Variants in ARMH4 observed in about 807,000 individuals in gnomAD.
The protein encoded by ARMH4 is armadillo-like helical domain-containing protein 4.
In ARMH4, 49 loss-of-function variants were observed where a neutral mutation model predicts 61.9. That is an observed-to-expected ratio of 0.79 (90% CI 0.63 to 1.00). The LOEUF (loss-of-function observed/expected upper bound fraction) is 1.00, where lower values mean the gene tolerates loss of function less well. Among genes scored for constraint, ARMH4 ranks in the 50% least tolerant of loss-of-function variants. The pLI is 0.00. For missense variants in ARMH4, 934 were observed against 930.0 expected (o/e 1.00, Z -0.06); for synonymous variants, 368 against 341.5 (o/e 1.08, Z -0.85).
intron 4 of ARMH4, among the ~76,000 whole-genome samples, chr14:58,121,189 T>A (rs1886710716): frequency 6.6e-6 from 1 of 152,208 alleles, no homozygotes; most frequent in Non-Finnish European, 1.5e-5. Context: ...CTTGGTATCA[T>A]CTGAATAGCC....
chr14:58,096,816 G>T lies in ARMH4; in HGVS notation c.1997C>A (p.Pro666Gln). Residue 666 changes from proline (P) to glutamine (Q), a missense_variant, in exon 5 of 8, where the codon CCA (proline) becomes CAA (glutamine). Coordinates refer to ENST00000267485, the MANE Select transcript of ARMH4 (RefSeq NM_001001872.4). ...GTCCATGTTTCCCTCCTCTAAGCCT[G>T]GTTCCTGGGATGTGATACCAGGGAG... ...FTLPGITSQE[P>Q]GLEEGNMDLL... 6.2e-7 allele frequency: 1 copy of T among 1,614,084 alleles called. No homozygotes were observed. The highest frequency in any genetic ancestry group is 8.5e-7 in the Non-Finnish European group (1 of 1,180,006).
At chr14:58,085,147 C>T (rs528514501) in intron 5 of ARMH4, among the ~76,000 whole-genome samples, 20 of 152,108 alleles carry the variant, frequency 1.3e-4, no homozygotes, top group Non-Finnish European at 1.5e-5. Context: ...GGACCAAGAG[C>T]ATTTAATTAA....
chr14:58,060,008 T>C (rs1246211333), intron 5 of ARMH4, among the ~76,000 whole-genome samples: 1 of 152,128 alleles, frequency 6.6e-6, no homozygotes, highest in Non-Finnish European at 1.5e-5. Flanking sequence ...TAAAGTGAGA[T>C]TCAGACAAAC....
chr14:58,065,769 A>G (rs1187124255), intron 5 of ARMH4, among the ~76,000 whole-genome samples: 4 of 152,242 alleles, frequency 2.6e-5, no homozygotes, highest in Non-Finnish European at 5.9e-5. Context: ...CATAACTGTT[A>G]CATAAGATTG....
intron 5 of ARMH4, among the ~76,000 whole-genome samples, chr14:58,095,723 C>T (rs1028501490): frequency 2.6e-5 from 4 of 152,166 alleles, no homozygotes; most frequent in Admixed American, 1.3e-4. Context: ...AACCTGTATG[C>T]CAATCTATAG....
intron 5 of ARMH4, among the ~76,000 whole-genome samples, chr14:58,065,965 G>A (rs753620919): frequency 1.3e-5 from 2 of 152,304 alleles, no homozygotes; most frequent in Admixed American, 6.5e-5. Flanking sequence ...ACAACCATGT[G>A]AGCTTGGAGG....
In ARMH4 at chr14:58,133,323, A is replaced by C. The variant is rs565244042; in HGVS notation, c.1388T>G (p.Met463Arg). 6.2e-7 allele frequency: 1 copy of C among 1,613,668 alleles called. No individual in the cohort carries two copies. Among genetic ancestry groups the C allele is most frequent in the East Asian group, 2.2e-5 (1 of 44,832 alleles). Residue 463 changes from methionine to arginine, a missense_variant, in exon 3 of 8, where the codon ATG (methionine) becomes AGG (arginine). Transcript: ENST00000267485. Reference protein sequence around the residue: ...NTMKDIITQEMTTAVQEPDAT... With the variant: ...NTMKDIITQERTTAVQEPDAT... The stretch of plus-strand genomic sequence containing the variant: ...ATCTGGCTCTTGAACAGCTGTTGTC[A>C]TCTCTTGAGTGATGATGTCTTAAAG...
chr14:58,123,086 A>G (rs1886780885), intron 4 of ARMH4, among the ~76,000 whole-genome samples: 2 of 152,288 alleles, frequency 1.3e-5, no homozygotes, highest in Middle Eastern at 3.4e-3. Context: ...GCCAGTCACT[A>G]GATACTTCTC....
intron 1 of ARMH4, among the ~76,000 whole-genome samples, chr14:58,139,648 T>G (rs1035296898): frequency 3.3e-5 from 5 of 152,206 alleles, no homozygotes; most frequent in Admixed American, 2.0e-4. Flanking sequence ...GTACACATAG[T>G]TCAAGTATTA....
Position 58,028,407 on chromosome 14 carries a change from T to G in ARMH4, c.2090-16257A>C, listed in dbSNP as rs1287168960. ...CATTAATCTCTGAGTTGGGGATTCT[T>G]GCATCAAGAAGTCAAGGCTGGGGCT... is the stretch of plus-strand genomic sequence containing the variant. On this transcript the variant is annotated intron_variant, in intron 5 of 7. Transcript: ENST00000267485. Among the ~76,000 whole-genome samples the G allele has an allele frequency of 2.0e-5, 3 of 152,322 alleles. No individual in the cohort carries two copies. The East Asian group carries it at 5.8e-4, about 29-fold the overall frequency.
In ARMH4 at chr14:58,138,148, A is replaced by G. The variant is rs199741943; in HGVS notation, c.1211T>C (p.Met404Thr). ...CACAATGGAAACTTTCATGTCTTCC[A>G]TCAGACTTGTGGGGGTAAAGGAACT... ...DQSSFTPTSL[M>T]EDMKVSIVNL... Residue 404 changes from methionine to threonine, a missense_variant, in exon 2 of 8, where the codon ATG becomes ACG. Physicochemically the swap from Met to Thr is moderately conservative, Grantham distance 81. Transcript: ENST00000267485. 36 of 1,614,188 alleles carry G rather than the reference A, an allele frequency of 2.2e-5. No homozygotes were observed. The highest frequency in any genetic ancestry group is 2.8e-5 in the Non-Finnish European group (33 of 1,180,038).
intron 4 of ARMH4, among the ~76,000 whole-genome samples, chr14:58,125,816 G>A (rs1886878153): frequency 6.6e-6 from 1 of 152,172 alleles, no homozygotes; most frequent in Non-Finnish European, 1.5e-5. Flanking sequence ...TGAGAGCGGG[G>A]ACTGAGAGAC....
At chr14:58,023,259 G>A (rs1416321694) in intron 5 of ARMH4, among the ~76,000 whole-genome samples, 1 of 152,160 alleles carries the variant, frequency 6.6e-6, no homozygotes, top group Non-Finnish European at 1.5e-5. Flanking sequence ...TTCAAAACTA[G>A]AGTTAATCCT....
intron 5 of ARMH4, among the ~76,000 whole-genome samples, chr14:58,095,348 T>C (rs1437616549): frequency 6.6e-6 from 1 of 152,152 alleles, no homozygotes; most frequent in Non-Finnish European, 1.5e-5. Flanking sequence ...TAGATTTGTG[T>C]CTGTTTTTAA....
At chr14:58,112,286 CTTT>C (rs375451865) in intron 4 of ARMH4, among the ~76,000 whole-genome samples, 2 of 133,394 alleles carry the variant, frequency 1.5e-5, no homozygotes, top group Non-Finnish European at 1.6e-5. Context: ...CTTAATTTTT[CTTT>C]TTTTTTTTTT....
At chr14:58,119,623 G>C (rs919096176) in intron 4 of ARMH4, among the ~76,000 whole-genome samples, 10 of 152,146 alleles carry the variant, frequency 6.6e-5, no homozygotes, top group African/African-American at 9.7e-5. Context: ...AGATTAAACA[G>C]TCAGAACAAA....
chr14:58,108,167 G>T (rs1886230385), intron 4 of ARMH4, among the ~76,000 whole-genome samples: 1 of 152,122 alleles, frequency 6.6e-6, no homozygotes, highest in African/African-American at 2.4e-5. Flanking sequence ...AGGATCATAA[G>T]GTTCTAAGGG....
chr14:58,018,020 G>A (rs1882678584), intron 5 of ARMH4, among the ~76,000 whole-genome samples: 1 of 152,140 alleles, frequency 6.6e-6, no homozygotes, highest in Admixed American at 6.6e-5. Context: ...ACACACAATG[G>A]GGAAAGGACA....
At position 58,019,489 on chromosome 14, in the gene ARMH4, T is replaced by C. The variant is rs868238197; in HGVS notation, c.2090-7339A>G. Among the ~76,000 whole-genome samples the C allele has an allele frequency of 3.9e-5, 6 of 152,300 alleles. No individual in the cohort carries two copies. In the South Asian group the frequency reaches 1.2e-3, roughly 32 times the overall value. ...TCATGCTCGCCAGCACCCTCTTGTG[T>C]ATACGAGTCCCAGGTGTAGCAACTT... On this transcript the variant is annotated intron_variant, in intron 5 of 7. Transcript: ENST00000267485.
Sources: allele counts gnomAD v4.1 joint callset (sites outside exome capture counted in the v4.1 genomes callset), GRCh38; gene constraint gnomAD v4.1.1; transcripts MANE v1.5; gene names NCBI Gene and HGNC (gene_info 2026-07-23, HGNC 2026-07-21).